Variants in ZAN observed in about 807,000 individuals in gnomAD.
ZAN encodes zonadhesin (gene/pseudogene).
A neutral mutation model predicts 286.2 loss-of-function variants in ZAN; 260 were observed. The ratio of observed to expected loss-of-function variants is 0.91; its 90% CI spans 0.82 to 1.01. The LOEUF (loss-of-function observed/expected upper bound fraction) is 1.01. Ranked by LOEUF, ZAN falls within the 50% of genes least tolerant of loss-of-function variation. The pLI is 0.00. For missense variants in ZAN, 3,410 were observed against 3,639.2 expected, an observed-to-expected ratio of 0.94 and a Z score of 1.62; for synonymous variants, 1,368 against 1,417.5, an observed-to-expected ratio of 0.97 and a Z score of 0.79.
intron 34 of ZAN, among the ~76,000 whole-genome samples, chr7:100,777,846 C>A (rs574520049): frequency 1.4e-4 from 22 of 152,084 alleles, no homozygotes; most frequent in Non-Finnish European, 2.8e-4. Flanking sequence ...CCCGCCTCGG[C>A]CCCCCAAAGT....
At chr7:100,782,681 T>TTGTG (rs869143804) in intron 35 of ZAN, among the ~76,000 whole-genome samples, 8 of 100,098 alleles carry the variant, frequency 8.0e-5, no homozygotes, top group Middle Eastern at 4.3e-3. Flanking sequence ...TGGGTTTTTT[T>TTGTG]TGTGTGTGTG....
rs895485224 is a variant in ZAN at position 100,753,211 on chromosome 7, A to G, written c.3106A>G (p.Thr1036Ala). Residue 1036 changes from threonine to alanine, a missense_variant, in exon 14 of 48, where the codon ACC becomes GCC. By Grantham distance (58) the Thr-to-Ala change is moderately conservative (BLOSUM62 0). Around this residue, in one of 7 missense-constraint regions of ZAN, gnomAD observed 1,042 missense variants for 1,058.0 expected, o/e 0.98. Coordinates refer to ENST00000613979, the MANE Select transcript of ZAN (RefSeq NM_003386.3). ...CAGTGTGATTCTGGGCACTACCACA[A>G]CCTCCAGATCCAGTACAGGTATGAG... Reference protein sequence around the residue: ...MTSVILGTTTTSRSSTERCPP... With the variant: ...MTSVILGTTTASRSSTERCPP... 3.1e-6 allele frequency: 5 copies of G among 1,599,990 alleles called. No homozygotes were observed. The highest frequency in any genetic ancestry group is 1.3e-5 in the African/African-American group (1 of 74,266).
At chr7:100,774,658 T>TA (rs946614902) in intron 31 of ZAN, among the ~76,000 whole-genome samples, 1 of 151,916 alleles carries the variant, frequency 6.6e-6, no homozygotes, top group South Asian at 2.1e-4. Context: ...ACCCTGTCTC[T>TA]AAAAAAAATT....
chr7:100,746,751 C>A, intron 8 of ZAN, 49 bp downstream of exon 8: 1 of 1,596,638 alleles, frequency 6.3e-7, no homozygotes, highest in Non-Finnish European at 8.6e-7. Context: ...GCGCATCTCC[C>A]AGGGTTGGCT....
chr7:100,796,564 C>T (rs989774833), intron 45 of ZAN, among the ~76,000 whole-genome samples: 10 of 151,732 alleles, frequency 6.6e-5, no homozygotes, highest in African/African-American at 1.5e-4. Context: ...TTACAGGCGC[C>T]GGCCACCACG....
chr7:100,751,958 A>T lies in ZAN; in HGVS notation c.1853A>T (p.Lys618Ile). 1 of 1,612,786 alleles carries T rather than the reference A, an allele frequency of 6.2e-7. No homozygotes were observed. The highest frequency in any genetic ancestry group is 8.5e-7 in the Non-Finnish European group (1 of 1,179,512). The change falls in exon 14 of 48, where the codon AAA becomes ATA. Residue 618 changes from lysine to isoleucine, a missense_variant. Around this residue, in one of 7 missense-constraint regions of ZAN, gnomAD observed 872 missense variants for 938.9 expected, o/e 0.93. Transcript: ENST00000613979. ...PSEKPNMPSE[K>I]PTIPSEKPTI... ...GAAAAACCCAACATGCCCTCAGAAAAACCCACCATTCCCTCAGAAAAACCC... is the reference window on the plus strand; with the variant it reads ...GAAAAACCCAACATGCCCTCAGAAATACCCACCATTCCCTCAGAAAAACCC...
chr7:100,736,959 T>C lies in ZAN; in HGVS notation c.404T>C (p.Leu135Pro), dbSNP rs1015488844. The change falls in exon 5 of 48, where the codon CTG (leucine) becomes CCG (proline). Residue 135 changes from leucine (L) to proline (P), a missense_variant. Physicochemically the swap from Leu to Pro is moderately conservative, Grantham distance 98. This residue lies in a region of ZAN where 872 missense variants were observed against 938.9 expected (regional missense o/e 0.93). Transcript: ENST00000613979. Reference protein sequence around the residue: ...GLSWGAQLRLLLLSGEEGRRP... With the variant: ...GLSWGAQLRLPLLSGEEGRRP... ...TCTTGGGGCGCCCAGCTCAGGCTGC[T>C]GCTGCTCTCGGGTGAAGAGGGCCGC... 10 of 1,504,552 alleles carry C rather than the reference T, an allele frequency of 6.6e-6. 2 individuals carry two copies. The highest frequency in any genetic ancestry group is 8.2e-6 in the Non-Finnish European group (9 of 1,098,678). 93.2% of individuals were successfully genotyped at this position (1,504,552 alleles called of 1,614,324 possible).
At position 100,738,580 on chromosome 7, in the gene ZAN, G is replaced by A. The variant is rs747747456; in HGVS notation, c.733G>A (p.Val245Met). The change falls in exon 7 of 48, where the codon GTG becomes ATG. Residue 245 changes from valine to methionine, a missense_variant. By Grantham distance (21) the Val-to-Met change is conservative. Coordinates refer to ENST00000613979, the MANE Select transcript of ZAN (RefSeq NM_003386.3). ...QKKGSSGKPGVGPDGDFSSPG... is the reference protein window; with the variant it reads ...QKKGSSGKPGMGPDGDFSSPG... ...GAAAGGGTCATCAGGAAAGCCAGGC[G>A]TGGGGCCTGATGGCGACTTCTCTAG... The A allele has an allele frequency of 5.3e-6, 8 of 1,517,870 alleles. 1 individual carries two copies. Among genetic ancestry groups the A allele is most frequent in the African/African-American group, 1.4e-5 (1 of 70,946 alleles). 94.0% of individuals were successfully genotyped at this position (1,517,870 alleles called of 1,614,324 possible).
intron 7 of ZAN, 62 bp from the exon 8 acceptor site, chr7:100,746,476 A>G: frequency 1.3e-6 from 2 of 1,586,340 alleles, no homozygotes; most frequent in Admixed American, 1.8e-5. Context: ...TCAGGGCCCT[A>G]TCTCTGCTGC....
At chr7:100,795,435 T>C (rs1053989179) in intron 45 of ZAN, 99 bp downstream of exon 45, 2 of 1,187,562 alleles carry the variant, frequency 1.7e-6, no homozygotes, top group Non-Finnish European at 2.1e-6. Context: ...TAGAATGATA[T>C]GTATTATAAT....
intron 45 of ZAN, among the ~76,000 whole-genome samples, chr7:100,796,926 C>G (rs905211731): frequency 6.6e-6 from 1 of 152,020 alleles, no homozygotes. Context: ...TCACTTGAGC[C>G]AGGAGTTCAA....
chr7:100,763,765 C>T lies in ZAN; in HGVS notation c.3987-41C>T, dbSNP rs781362471. ...TGCTGGGTTAGGGATGAGCTGGAAG[C>T]GAGCTTTGTCTTTAGGGAGTTTGGG... On this transcript the variant is annotated intron_variant, in intron 20 of 47. Coordinates refer to ENST00000613979, the MANE Select transcript of ZAN (RefSeq NM_003386.3). The surrounding 1 kb of genome is among the most constrained non-coding windows in gnomAD (Gnocchi z 4.6). 4.4e-5 allele frequency: 70 copies of T among 1,580,970 alleles called. No homozygotes were observed. In the Admixed American group the frequency reaches 6.3e-4, roughly 14 times the overall value.
At chr7:100,748,875 A>AT (rs11353419) in intron 11 of ZAN, among the ~76,000 whole-genome samples, 2 of 150,886 alleles carry the variant, frequency 1.3e-5, no homozygotes, top group African/African-American at 2.4e-5. Flanking sequence ...AGAAAAAAAA[A>AT]TTTTTTTTTA....
rs765672728 is a variant in ZAN, at chr7:100,753,200, G to A, written c.3095G>A (p.Gly1032Asp). 8.1e-6 allele frequency: 13 copies of A among 1,604,776 alleles called. No homozygotes were observed. The African/African-American group carries it at 1.2e-4, about 15-fold the overall frequency. Residue 1032 changes from glycine (G) to aspartate (D), a missense_variant, in exon 14 of 48, where the codon GGC (glycine) becomes GAC (aspartate). By Grantham distance (94) the Gly-to-Asp change is moderately conservative. Transcript: ENST00000613979. ...PSTPMTSVILGTTTTSRSSTE... is the reference protein window; with the variant it reads ...PSTPMTSVILDTTTTSRSSTE... The stretch of plus-strand genomic sequence containing the variant: ...ACCCCTATGACCAGTGTGATTCTGG[G>A]CACTACCACAACCTCCAGATCCAGT...
At chr7:100,755,438 A>G (rs776968966) in intron 15 of ZAN, 28 bp downstream of exon 15, 1 of 1,603,874 alleles carries the variant, frequency 6.2e-7, no homozygotes, top group South Asian at 1.1e-5. Context: ...CTGGGGTCCC[A>G]TGAGGGAGAT....
rs753438491 is a variant in ZAN, at chr7:100,736,565, G to A, written c.189G>A (p.Trp63Ter). 6.6e-7 allele frequency: 1 copy of A among 1,523,366 alleles called. No individual in the cohort carries two copies. The highest frequency in any genetic ancestry group is 9.0e-7 in the Non-Finnish European group (1 of 1,107,672). The allele number at this position is 1,523,366 out of a possible 1,614,324, so 94.4% of individuals were successfully genotyped here. Residue 63 changes from tryptophan to a stop codon, truncating the protein, a stop_gained, in exon 4 of 48, where the codon TGG becomes TGA. Transcript: ENST00000613979. LOFTEE classifies it high-confidence loss of function. Reference sequence around the variant, plus strand: ...AAGTGTCCGCAGACGATGAAGACTGGGTTCGAGCCAGTGGGCCCTCTCCCA... The same window carrying A: ...AAGTGTCCGCAGACGATGAAGACTGAGTTCGAGCCAGTGGGCCCTCTCCCA... ...WSQVSADDED[W>*]VRASGPSPTG... is the part of the protein sequence containing the mutation.
rs777786136 is a variant in ZAN, at chr7:100,766,619, A to C, written c.4565A>C (p.Gln1522Pro). The C allele has an allele frequency of 6.4e-7, 1 of 1,560,776 alleles. No homozygotes were observed. The highest frequency in any genetic ancestry group is 8.7e-7 in the Non-Finnish European group (1 of 1,152,482). Residue 1522 changes from glutamine to proline, a missense_variant, in exon 24 of 48, where the codon CAG (glutamine) becomes CCG (proline). This residue lies in a region of ZAN where 1,042 missense variants were observed against 1,058.0 expected (regional missense o/e 0.98). Transcript: ENST00000613979. ...IRCQPWRCRA[Q>P]EFCGQQDGIY... Reference sequence around the variant, plus strand: ...TGCCAGCCCTGGAGGTGTAGGGCCCAGGAGTTCTGTGGCCAACAGGATGGT... The same window carrying C: ...TGCCAGCCCTGGAGGTGTAGGGCCCCGGAGTTCTGTGGCCAACAGGATGGT...
intron 7 of ZAN, 123 bp downstream of exon 7, chr7:100,738,736 C>G (rs560141733): frequency 8.8e-7 from 1 of 1,132,726 alleles, no homozygotes; most frequent in African/African-American, 1.6e-5. Context: ...TCAAGTTTCA[C>G]GCAAGAAGCT....
intron 28 of ZAN, among the ~76,000 whole-genome samples, chr7:100,771,117 T>C (rs868125359): frequency 3.3e-5 from 5 of 151,814 alleles, no homozygotes; most frequent in African/African-American, 1.2e-4. Flanking sequence ...TTTTTAAATA[T>C]TTTCTGGAGA....
Sources: allele counts gnomAD v4.1 joint callset (sites outside exome capture counted in the v4.1 genomes callset), GRCh38; gene constraint gnomAD v4.1.1; regional missense constraint gnomAD v4.1.1; non-coding constraint Gnocchi (gnomAD v3.1); transcripts MANE v1.5; gene names NCBI Gene and HGNC (gene_info 2026-07-23, HGNC 2026-07-21).